The following RANBP2 variants were observed in gnomAD, a reference collection of about 807,000 sequenced individuals.
The protein encoded by RANBP2 is RAN binding protein 2.
In RANBP2, 57 loss-of-function variants were observed where a neutral mutation model predicts 303.6. The observed-to-expected ratio is 0.19, with a 90% CI of 0.15 to 0.23. The LOEUF (loss-of-function observed/expected upper bound fraction) is 0.23. Among genes scored for constraint, RANBP2 ranks in the 10% least tolerant of loss-of-function variants. The probability of loss-of-function intolerance (pLI) is 1.00; values close to 1 mark genes in which losing one functional copy is unlikely to be tolerated. For missense variants in RANBP2, 3,138 were observed against 3,780.8 expected (o/e 0.83, Z 4.46); for synonymous variants, 1,167 against 1,301.5 (o/e 0.90, Z 2.23).
chr2:109,260,776 C>T, the RANBP2 span, among the ~76,000 whole-genome samples: 1 of 152,116 alleles, frequency 6.6e-6, no homozygotes, highest in Non-Finnish European at 1.5e-5. Flanking sequence ...TCAGGTGACC[C>T]TAGCGTGTGT....
chr2:109,683,111 T>C, the RANBP2 span, among the ~76,000 whole-genome samples: 2 of 152,114 alleles, frequency 1.3e-5, no homozygotes, highest in African/African-American at 4.8e-5. Context: ...GTTCAAGAAA[T>C]TCTCCTGCCT....
the RANBP2 span, among the ~76,000 whole-genome samples, chr2:109,557,558 T>A: frequency 2.6e-5 from 4 of 152,350 alleles, no homozygotes; most frequent in South Asian, 4.1e-4. Context: ...CAATGTGGTG[T>A]CTCAGCAGGA....
chr2:109,629,150 T>G, the RANBP2 span, among the ~76,000 whole-genome samples: 1 of 150,760 alleles, frequency 6.6e-6, no homozygotes, highest in Non-Finnish European at 1.5e-5. Context: ...TGCAGTGAGC[T>G]GAGATCCTGC....
At chr2:109,024,882 A>G in the RANBP2 span, among the ~76,000 whole-genome samples, 2 of 152,168 alleles carry the variant, frequency 1.3e-5, no homozygotes, top group Admixed American at 1.3e-4. Context: ...ATAATTGACC[A>G]TATTAGCCAC....
At chr2:109,171,625 G>A in the RANBP2 span, among the ~76,000 whole-genome samples, 1 of 152,228 alleles carries the variant, frequency 6.6e-6, no homozygotes, top group Non-Finnish European at 1.5e-5. Flanking sequence ...CTGCCTCTGA[G>A]ACATTTCCTG....
In RANBP2 at chr2:108,751,820, C is replaced by G. The variant is rs2433791; in HGVS notation, c.1632-51C>G. Reference sequence around the variant, plus strand: ...CCCATTAACATATATGTATGTAAGCCCTGAACTGTGTATTTAGAAAGCAAT... The same window carrying G: ...CCCATTAACATATATGTATGTAAGCGCTGAACTGTGTATTTAGAAAGCAAT... On this transcript the variant is annotated intron_variant, in intron 11 of 28. Coordinates refer to ENST00000283195, the MANE Select transcript of RANBP2 (RefSeq NM_006267.5). 8.8e-4 allele frequency: 1,415 copies of G among 1,611,732 alleles called. 9 individuals are homozygous for G. The African/African-American group carries it at 0.016, about 19-fold the overall frequency.
the RANBP2 span, among the ~76,000 whole-genome samples, chr2:109,530,324 A>G: frequency 6.6e-6 from 1 of 152,184 alleles, no homozygotes; most frequent in African/African-American, 2.4e-5. Context: ...AGCAACTGAC[A>G]GCCACGTGTC....
chr2:109,491,835 C>T, the RANBP2 span, among the ~76,000 whole-genome samples: 1 of 152,190 alleles, frequency 6.6e-6, no homozygotes, highest in Non-Finnish European at 1.5e-5. Context: ...CTGCCAGAAC[C>T]TTTCCTCCCT....
chr2:109,356,509 G>T, the RANBP2 span, among the ~76,000 whole-genome samples: 2 of 152,216 alleles, frequency 1.3e-5, no homozygotes, highest in South Asian at 4.1e-4. Context: ...GGGTTTTCAT[G>T]TGCTTTCTCA....
In RANBP2 at chr2:108,766,411, G is replaced by C. The variant is rs1465427787; in HGVS notation, c.5872G>C (p.Gly1958Arg). ...ADLAKSTSGEGFQFGKKDPNF... is the reference protein window; with the variant it reads ...ADLAKSTSGERFQFGKKDPNF... ...TCTTGCAAAATCAACTTCAGGAGAA[G>C]GATTTCAGTTTGGCAAAAAAGACCC... The change falls in exon 20 of 29, where the codon GGA becomes CGA. Residue 1958 changes from glycine (G) to arginine (R), a missense_variant. Transcript: ENST00000283195. 6.2e-7 allele frequency: 1 copy of C among 1,611,812 alleles called. No individual in the cohort carries two copies. Among genetic ancestry groups the C allele is most frequent in the African/African-American group, 1.3e-5 (1 of 74,814 alleles).
chr2:109,611,806 G>C, the RANBP2 span, among the ~76,000 whole-genome samples: 1 of 152,090 alleles, frequency 6.6e-6, no homozygotes, highest in African/African-American at 2.4e-5. Flanking sequence ...CTATAAGAAT[G>C]GCTAAATTAA....
At chr2:109,391,168 A>G in the RANBP2 span, among the ~76,000 whole-genome samples, 1 of 152,352 alleles carries the variant, frequency 6.6e-6, no homozygotes, top group Middle Eastern at 3.4e-3. Context: ...GCCTGTACTC[A>G]GGCTTTACGT....
chr2:109,141,857 G>A, the RANBP2 span, among the ~76,000 whole-genome samples: 1 of 151,998 alleles, frequency 6.6e-6, no homozygotes, highest in African/African-American at 2.4e-5. Context: ...TCACCCATGG[G>A]ACCCCCCAGA....
the RANBP2 span, among the ~76,000 whole-genome samples, chr2:109,496,439 C>T: frequency 2.0e-5 from 3 of 152,222 alleles, no homozygotes; most frequent in African/African-American, 7.2e-5. Flanking sequence ...TTCTCCAAGT[C>T]CCCACTCGAC....
chr2:108,921,615 A>T, the RANBP2 span, among the ~76,000 whole-genome samples: 2 of 151,916 alleles, frequency 1.3e-5, no homozygotes. Context: ...GGTCTTAGTG[A>T]CTCCATGGGG....
chr2:108,887,175 A>G, the RANBP2 span, among the ~76,000 whole-genome samples: 139,471 of 152,206 alleles, frequency 0.92, 63,964 homozygotes, highest in East Asian at 1. Context: ...TGGCTTTGTC[A>G]AAGATCACTT....
chr2:108,918,092 T>C, the RANBP2 span, among the ~76,000 whole-genome samples: 1 of 152,102 alleles, frequency 6.6e-6, no homozygotes, highest in Non-Finnish European at 1.5e-5. Context: ...CCCAGAATAT[T>C]AAAAGGAAAA....
chr2:109,688,031 T>C, the RANBP2 span, among the ~76,000 whole-genome samples: 958 of 152,200 alleles, frequency 6.3e-3, 5 homozygotes, highest in African/African-American at 0.022. Flanking sequence ...AAGGAGAGCC[T>C]GGGTGGGAGA....
the RANBP2 span, among the ~76,000 whole-genome samples, chr2:109,417,371 C>T: frequency 6.6e-6 from 1 of 152,160 alleles, no homozygotes; most frequent in Admixed American, 6.5e-5. Flanking sequence ...GTTGGGGACA[C>T]CTCCTCTTCC....
Sources: allele counts gnomAD v4.1 joint callset (sites outside exome capture counted in the v4.1 genomes callset), GRCh38; gene constraint gnomAD v4.1.1; transcripts MANE v1.5; gene names NCBI Gene and HGNC (gene_info 2026-07-23, HGNC 2026-07-21).